Variants in KIF25 observed in about 807,000 individuals in gnomAD.
KIF25 encodes the protein kinesin family member 25.
A neutral mutation model predicts 32.9 loss-of-function variants in KIF25; 19 were observed. The ratio of observed to expected loss-of-function variants is 0.58; its 90% CI spans 0.40 to 0.85. The LOEUF is 0.85. Among genes scored for constraint, KIF25 ranks in the 40% least tolerant of loss-of-function variants. KIF25 has a pLI of 0.00. For missense variants in KIF25, 485 were observed against 507.0 expected (o/e 0.96, Z 0.42); for synonymous variants, 225 against 213.7 (o/e 1.05, Z -0.46).
intron 4 of KIF25, among the ~76,000 whole-genome samples, chr6:168,013,432 C>T (rs1298394955): frequency 6.6e-6 from 1 of 151,928 alleles, no homozygotes; most frequent in African/African-American, 2.4e-5. Context: ...AGATGGAGCT[C>T]CAAGGCTGGA....
At chr6:168,019,315 C>T (rs73260857) in intron 5 of KIF25, among the ~76,000 whole-genome samples, 7,133 of 151,940 alleles carry the variant, frequency 0.047, 411 homozygotes, top group African/African-American at 0.13. Context: ...GGAAATAGAG[C>T]GAGAAATAAC....
At chr6:168,000,569 C>T (rs1351257334) in intron 2 of KIF25, among the ~76,000 whole-genome samples, 2 of 145,914 alleles carry the variant, frequency 1.4e-5, no homozygotes, top group African/African-American at 2.6e-5. Flanking sequence ...TGACCCTCCC[C>T]ACTCCCATTG....
chr6:168,026,061 C>T (rs1361015890), intron 5 of KIF25, among the ~76,000 whole-genome samples: 1 of 148,616 alleles, frequency 6.7e-6, no homozygotes, highest in African/African-American at 2.6e-5. Context: ...CTGCGGGGGG[C>T]ACCACCGCCC....
intron 7 of KIF25, among the ~76,000 whole-genome samples, chr6:168,032,624 C>T (rs1222629056): frequency 6.6e-6 from 1 of 152,232 alleles, no homozygotes; most frequent in Non-Finnish European, 1.5e-5. Context: ...GGCTCTGCTG[C>T]TTTTCCTGTC....
chr6:168,008,190 T>C (rs1017240642), intron 4 of KIF25, among the ~76,000 whole-genome samples: 1 of 152,220 alleles, frequency 6.6e-6, no homozygotes, highest in Non-Finnish European at 1.5e-5. Flanking sequence ...TTTCTTCCAG[T>C]AGTTTAATCA....
chr6:168,002,507 C>T (rs1015713069), intron 2 of KIF25, 36 bp from the exon 3 acceptor site: 5 of 152,264 alleles, frequency 3.3e-5, no homozygotes, highest in African/African-American at 9.7e-5. Context: ...TTGTGTTCAT[C>T]GGCTTTTGGT....
chr6:168,038,837 A>G (rs1299008103), intron 9 of KIF25, 108 bp downstream of exon 9: 2 of 1,099,442 alleles, frequency 1.8e-6, no homozygotes, highest in East Asian at 2.5e-5. Flanking sequence ...CCCACGCCCA[A>G]GGATCCCAAG....
intron 2 of KIF25, among the ~76,000 whole-genome samples, chr6:168,000,712 C>T (rs1029889315): frequency 2.6e-5 from 4 of 152,280 alleles, no homozygotes; most frequent in Non-Finnish European, 4.4e-5. Flanking sequence ...CTGACCCTCC[C>T]GCCACTCCAA....
At chr6:168,024,777 A>G (rs138041011) in intron 5 of KIF25, among the ~76,000 whole-genome samples, 3,434 of 151,990 alleles carry the variant, frequency 0.023, 136 homozygotes, top group African/African-American at 0.078. Flanking sequence ...CTGGCTGGGC[A>G]CGGTGGCTCA....
chr6:168,004,045 G>T (rs1327097833), intron 4 of KIF25, among the ~76,000 whole-genome samples: 1 of 152,196 alleles, frequency 6.6e-6, no homozygotes, highest in East Asian at 1.9e-4. Context: ...TTCTAAACTG[G>T]AATCAAGCAT....
At chr6:168,000,348 C>G (rs530614958) in intron 2 of KIF25, among the ~76,000 whole-genome samples, 1 of 130,960 alleles carries the variant, frequency 7.6e-6, no homozygotes, top group Non-Finnish European at 1.6e-5. Context: ...CCACACCTGG[C>G]CCTCCCCACT....
intron 5 of KIF25, among the ~76,000 whole-genome samples, chr6:168,026,969 C>T (rs577276337): frequency 6.6e-6 from 1 of 152,274 alleles, no homozygotes; most frequent in South Asian, 2.1e-4. Flanking sequence ...CCCTGTTAGA[C>T]ACAAGGGATG....
intron 6 of KIF25, among the ~76,000 whole-genome samples, 168 bp downstream of exon 6, chr6:168,029,845 C>G (rs1041269320): frequency 2.0e-5 from 3 of 151,960 alleles, no homozygotes; most frequent in Non-Finnish European, 2.9e-5. Context: ...GCTCACCACA[C>G]CCTCTACATC....
At chr6:168,035,842 T>G (rs576407533) in intron 8 of KIF25, 1 of 443,764 alleles carries the variant, frequency 2.3e-6, no homozygotes, top group African/African-American at 2.0e-5. Context: ...TCCCTACACC[T>G]CACCTTCGTC....
chr6:168,028,415 C>T (rs932074722), intron 5 of KIF25, among the ~76,000 whole-genome samples: 16 of 152,098 alleles, frequency 1.1e-4, no homozygotes, highest in African/African-American at 3.9e-4. Context: ...TCTGACAGCC[C>T]GTTGCCACAT....
Position 168,033,937 on chromosome 6 carries a change from A to T in KIF25, c.223A>T (p.Met75Leu), listed in dbSNP as rs776435400. ...GACGGGCAGCGGAAAGAGCTATACC[A>T]TGCTGGGACGCCATTCGGACGACGG... ...GQTGSGKSYT[M>L]LGRHSDDGPV... The change falls in exon 8 of 13, where the codon ATG becomes TTG. Residue 75 changes from methionine (M) to leucine (L), a missense_variant. Physicochemically the swap from Met to Leu is conservative, Grantham distance 15. Transcript: ENST00000643607. The T allele has an allele frequency of 2.1e-5, 34 of 1,614,064 alleles. No homozygotes were observed. In the East Asian group the frequency reaches 7.6e-4, roughly 36 times the overall value.
chr6:168,028,375 C>G (rs1266999602), intron 5 of KIF25, among the ~76,000 whole-genome samples: 1 of 152,102 alleles, frequency 6.6e-6, no homozygotes, highest in African/African-American at 2.4e-5. Context: ...TAAAACACCT[C>G]TCTCCCCACT....
chr6:168,042,202 GATCT>G, intron 11 of KIF25, 51 bp downstream of exon 11: 2 of 1,506,804 alleles, frequency 1.3e-6, no homozygotes, highest in Non-Finnish European at 1.8e-6. Flanking sequence ...AGAAGCCTAT[GATCT>G]GATGGAGCTG....
chr6:168,034,662 G>A (rs1156544115), intron 8 of KIF25, among the ~76,000 whole-genome samples: 1 of 152,158 alleles, frequency 6.6e-6, no homozygotes, highest in Non-Finnish European at 1.5e-5. Context: ...GGAATGGGAA[G>A]CACAGAGGGA....
Sources: gnomAD v4.1 joint callset for allele counts (sites outside exome capture counted in the v4.1 genomes callset) on GRCh38, gnomAD v4.1.1 for gene constraint, MANE v1.5 for transcripts, NCBI Gene and HGNC (gene_info 2026-07-23, HGNC 2026-07-21) for gene names.